VAV2: variants seen among roughly 807,000 people sequenced by gnomAD.
VAV2 encodes the protein guanine nucleotide exchange factor VAV2.
Under a neutral mutation model 132.5 loss-of-function variants are expected in VAV2, and 67 were observed. That is an observed-to-expected ratio of 0.51 (90% CI 0.42 to 0.62). VAV2 has a LOEUF of 0.62. VAV2 is among the 20% of genes least tolerant of loss of function. The pLI is 0.00. For missense variants in VAV2, 938 were observed against 1,153.6 expected (o/e 0.81, Z 2.71); for synonymous variants, 492 against 443.5 (o/e 1.11, Z -1.37).
At chr9:133,947,465 C>T (rs1841401150) in intron 1 of VAV2, among the ~76,000 whole-genome samples, 1 of 152,096 alleles carries the variant, frequency 6.6e-6, no homozygotes, top group African/African-American at 2.4e-5. Flanking sequence ...TTTGGGAGGC[C>T]AAGGCGGGTG....
At chr9:133,792,098 A>T (rs1834496020) in intron 12 of VAV2, among the ~76,000 whole-genome samples, 1 of 106,980 alleles carries the variant, frequency 9.3e-6, no homozygotes, top group African/African-American at 3.9e-5. Flanking sequence ...TGTGTGTGTG[A>T]GCGGGCTGTA....
intron 3 of VAV2, among the ~76,000 whole-genome samples, chr9:133,849,291 G>A (rs548183178): frequency 3.0e-4 from 45 of 152,148 alleles, no homozygotes; most frequent in Non-Finnish European, 3.5e-4. Context: ...CTGCTACCTG[G>A]AGGGGTGTCC....
intron 18 of VAV2, 102 bp from the exon 19 acceptor site, chr9:133,783,693 G>A (rs1049801410): frequency 8.5e-6 from 9 of 1,054,932 alleles, no homozygotes; most frequent in African/African-American, 1.6e-5. Flanking sequence ...TCACCTGGCT[G>A]GCTGTCTCCC....
In VAV2 at chr9:133,879,032, C is replaced by T. The variant is rs1440344354; in HGVS notation, c.322-17600G>A. On this transcript the variant is annotated intron_variant, in intron 2 of 29. Coordinates refer to ENST00000371850, the MANE Select transcript of VAV2 (RefSeq NM_001134398.2). The surrounding 1 kb of genome is among the most constrained non-coding windows in gnomAD (Gnocchi z 4.4). ...GCAGGGAGGTGTCTCCTCAGGATCC[C>T]CCCGTTCCCCAGGCATCATCCGCCC... is the stretch of plus-strand genomic sequence containing the variant. Among the ~76,000 whole-genome samples, 1 of 152,170 alleles carries T rather than the reference C, an allele frequency of 6.6e-6. No individual in the cohort carries two copies. Among genetic ancestry groups the T allele is most frequent in the African/African-American group, 2.4e-5 (1 of 41,440 alleles).
At chr9:133,787,538 G>A (rs1177256713) in intron 15 of VAV2, among the ~76,000 whole-genome samples, 1 of 152,214 alleles carries the variant, frequency 6.6e-6, no homozygotes, top group Non-Finnish European at 1.5e-5. Flanking sequence ...CACTTGCTGG[G>A]TCTGGACGAG....
intron 13 of VAV2, 114 bp from the exon 14 acceptor site, chr9:133,789,457 G>T (rs1834366199): frequency 2.0e-6 from 2 of 978,920 alleles, no homozygotes; most frequent in Non-Finnish European, 3.2e-6. Context: ...GGCAGCAGAG[G>T]CGGGACGAAG....
chr9:133,850,659 A>G (rs1400144618), intron 3 of VAV2, among the ~76,000 whole-genome samples: 1 of 152,162 alleles, frequency 6.6e-6, no homozygotes. Context: ...AGCTGAACAC[A>G]GCCTCTGAAA....
chr9:133,867,128 C>A (rs1837837262), intron 2 of VAV2, among the ~76,000 whole-genome samples: 2 of 152,284 alleles, frequency 1.3e-5, no homozygotes, highest in South Asian at 4.1e-4. Context: ...AGGACACGGC[C>A]ATGGGTCTGC....
intron 1 of VAV2, among the ~76,000 whole-genome samples, chr9:133,971,973 C>T (rs559299291): frequency 6.6e-5 from 10 of 152,256 alleles, no homozygotes; most frequent in Admixed American, 5.2e-4. Context: ...CGGCATGGCC[C>T]GGATTCACCA....
At position 133,786,010 on chromosome 9, in the gene VAV2, G is replaced by C. The variant is rs200589502; in HGVS notation, c.1423-125C>G. On this transcript the variant is annotated intron_variant, in intron 16 of 29. Transcript: ENST00000371850. ...TATATGCATATGTGCACAGGTGCCT[G>C]TGCCTGTGTGAACACATGTTCTCAC... The C allele has an allele frequency of 5.7e-6, 4 of 702,874 alleles. No homozygotes were observed. The African/African-American group carries it at 1.5e-4, about 26-fold the overall frequency. 43.5% of individuals were successfully genotyped at this position (702,874 alleles called of 1,614,324 possible).
In VAV2 at chr9:133,804,229, G is replaced by C. The variant is rs921519509; in HGVS notation, c.836+1852C>G. Among the ~76,000 whole-genome samples, 2 of 152,204 alleles carry C rather than the reference G, an allele frequency of 1.3e-5. No individual in the cohort carries two copies. Among genetic ancestry groups the C allele is most frequent in the Admixed American group, 1.3e-4 (2 of 15,280 alleles). ...GAAAGGGGCAAAAAAGCTGGATGCTGGGACAGAACCACGATGATTTGGTGA... is the reference window on the plus strand; with the variant it reads ...GAAAGGGGCAAAAAAGCTGGATGCTCGGACAGAACCACGATGATTTGGTGA... On this transcript the variant is annotated intron_variant, in intron 9 of 29. Coordinates refer to ENST00000371850, the MANE Select transcript of VAV2 (RefSeq NM_001134398.2). The surrounding 1 kb of genome is among the most constrained non-coding windows in gnomAD (Gnocchi z 4.5).
chr9:133,836,966 A>C (rs1836496305), intron 3 of VAV2, among the ~76,000 whole-genome samples: 1 of 152,194 alleles, frequency 6.6e-6, no homozygotes, highest in Non-Finnish European at 1.5e-5. Context: ...GGACTCAGAC[A>C]GAACCCACCT....
chr9:133,949,564 C>T (rs1466337176), intron 1 of VAV2, among the ~76,000 whole-genome samples: 1 of 152,238 alleles, frequency 6.6e-6, no homozygotes, highest in Non-Finnish European at 1.5e-5. Context: ...TCTGTACCTG[C>T]CCCCTCGAAT....
At chr9:133,988,175 G>A (rs1355626861) in intron 1 of VAV2, among the ~76,000 whole-genome samples, 5 of 152,128 alleles carry the variant, frequency 3.3e-5, no homozygotes, top group East Asian at 3.9e-4. Context: ...GCAACTCCCC[G>A]CCGTGTGCGC....
intron 10 of VAV2, 68 bp from the exon 11 acceptor site, chr9:133,796,592 C>CCG (rs1834725441): frequency 7.0e-7 from 1 of 1,431,174 alleles, no homozygotes; most frequent in African/African-American, 1.4e-5. Context: ...ACCTGTACCC[C>CCG]CGCCCACAGA....
chr9:133,946,256 G>A (rs890556607), intron 1 of VAV2, among the ~76,000 whole-genome samples: 4 of 152,218 alleles, frequency 2.6e-5, no homozygotes, highest in African/African-American at 7.2e-5. Context: ...GACACAGGCC[G>A]ACAAGGGACT....
intron 2 of VAV2, among the ~76,000 whole-genome samples, chr9:133,869,242 C>G (rs1440948071): frequency 6.6e-6 from 1 of 152,080 alleles, no homozygotes; most frequent in Non-Finnish European, 1.5e-5. Flanking sequence ...CCCACCTCGG[C>G]CTCCCAAAGT....
chr9:133,807,986 C>T (rs1334774661), intron 7 of VAV2, among the ~76,000 whole-genome samples: 2 of 152,252 alleles, frequency 1.3e-5, no homozygotes, highest in Non-Finnish European at 2.9e-5. Context: ...GGCCCAGCTG[C>T]TGCACCGCTC....
intron 1 of VAV2, among the ~76,000 whole-genome samples, chr9:133,972,924 C>T (rs1842387716): frequency 6.6e-6 from 1 of 152,168 alleles, no homozygotes; most frequent in African/African-American, 2.4e-5. Flanking sequence ...TGAGGGGTGT[C>T]TCACAAGTCC....
Sources: allele counts gnomAD v4.1 joint callset (sites outside exome capture counted in the v4.1 genomes callset), GRCh38; gene constraint gnomAD v4.1.1; non-coding constraint Gnocchi (gnomAD v3.1); transcripts MANE v1.5; gene names NCBI Gene and HGNC (gene_info 2026-07-23, HGNC 2026-07-21).